The following BAZ1A variants were observed in gnomAD, a reference collection of about 807,000 sequenced individuals.
BAZ1A encodes the protein bromodomain adjacent to zinc finger domain 1A.
Under a neutral mutation model 185.2 loss-of-function variants are expected in BAZ1A, and 50 were observed. The ratio of observed to expected loss-of-function variants is 0.27; its 90% CI spans 0.22 to 0.34. The LOEUF (loss-of-function observed/expected upper bound fraction) is 0.34. Among genes scored for constraint, BAZ1A ranks in the 10% least tolerant of loss-of-function variants. The pLI is 1.00. For missense variants in BAZ1A, 1,356 were observed against 1,839.9 expected (o/e 0.74, Z 4.81); for synonymous variants, 571 against 615.6 (o/e 0.93, Z 1.07).
At chr14:34,801,743 T>C (rs1007731782) in intron 7 of BAZ1A, among the ~76,000 whole-genome samples, 4 of 152,092 alleles carry the variant, frequency 2.6e-5, no homozygotes, top group Non-Finnish European at 4.4e-5. Context: ...ACCCCATCTC[T>C]ATTAAAAATG....
intron 3 of BAZ1A, among the ~76,000 whole-genome samples, chr14:34,827,129 C>T (rs2042175667): frequency 6.6e-6 from 1 of 152,166 alleles, no homozygotes; most frequent in African/African-American, 2.4e-5. Flanking sequence ...GGTTCTGTCT[C>T]TCTGGAAAAC....
At chr14:34,755,608 ATT>A (rs1276289412) in intron 25 of BAZ1A, among the ~76,000 whole-genome samples, 3 of 152,042 alleles carry the variant, frequency 2.0e-5, no homozygotes, top group African/African-American at 7.2e-5. Context: ...TCTAATTATT[ATT>A]TTGTCCCTCT....
Position 34,771,636 on chromosome 14 carries a change from G to T in BAZ1A, c.3176C>A (p.Thr1059Asn), listed in dbSNP as rs1162095453. The stretch of plus-strand genomic sequence containing the variant: ...TGCATTTGTTGATACAGTACTTGGA[G>T]TTTCTGTTTTTATCCCCAAAAGTCT... Reference protein sequence around the residue: ...KDRLLGIKTETPSTVSTNAST... With the variant: ...KDRLLGIKTENPSTVSTNAST... Residue 1059 changes from threonine to asparagine, a missense_variant, in exon 21 of 27, where the codon ACT (threonine) becomes AAT (asparagine). Physicochemically the swap from Thr to Asn is moderately conservative, Grantham distance 65. This residue lies in a region of BAZ1A where 434 missense variants were observed against 561.7 expected (regional missense o/e 0.77). Coordinates refer to ENST00000360310, the MANE Select transcript of BAZ1A (RefSeq NM_013448.3). 9 of 1,613,068 alleles carry T rather than the reference G, an allele frequency of 5.6e-6. No homozygotes were observed. The Admixed American group carries it at 1.5e-4, about 27-fold the overall frequency.
At chr14:34,865,619 T>C (rs914074048) in intron 2 of BAZ1A, among the ~76,000 whole-genome samples, 9 of 152,134 alleles carry the variant, frequency 5.9e-5, no homozygotes, top group South Asian at 2.1e-4. Flanking sequence ...GAGAAACTAA[T>C]CATACCTTAA....
At chr14:34,811,854 A>C (rs1000995375) in intron 4 of BAZ1A, among the ~76,000 whole-genome samples, 1 of 152,216 alleles carries the variant, frequency 6.6e-6, no homozygotes, top group African/African-American at 2.4e-5. Context: ...TTTAAACTTT[A>C]TTTACAGCTA....
chr14:34,786,603 G>GTTTTTTTTTTTTTTTATTT (rs542523340), intron 12 of BAZ1A: 1 of 106,854 alleles, frequency 9.4e-6, no homozygotes, highest in Non-Finnish European at 1.7e-5. Context: ...TCTTTTATGT[G>GTTTTTTTTTTTTTTTATTT]TGTTTTTTTT....
chr14:34,827,191 G>A (rs1004541042), intron 3 of BAZ1A, among the ~76,000 whole-genome samples: 3 of 152,088 alleles, frequency 2.0e-5, no homozygotes, highest in Non-Finnish European at 2.9e-5. Flanking sequence ...CTAAATTTGT[G>A]ACCTAGCATA....
chr14:34,828,280 C>A (rs1206313116), intron 3 of BAZ1A, among the ~76,000 whole-genome samples: 4 of 112,570 alleles, frequency 3.6e-5, no homozygotes, highest in Non-Finnish European at 6.8e-5. Flanking sequence ...GCAACAAGAG[C>A]GAAACTCCGT....
intron 3 of BAZ1A, among the ~76,000 whole-genome samples, chr14:34,828,152 G>A (rs2042189386): frequency 6.6e-6 from 1 of 151,926 alleles, no homozygotes; most frequent in African/African-American, 2.4e-5. Context: ...AATTAACTGG[G>A]CGTGGTGGCA....
At chr14:34,872,849 T>C (rs2042970011) in intron 2 of BAZ1A, among the ~76,000 whole-genome samples, 1 of 128,356 alleles carries the variant, frequency 7.8e-6, no homozygotes, top group African/African-American at 2.9e-5. Flanking sequence ...TATTTACTAT[T>C]TTGTTGATAC....
intron 5 of BAZ1A, among the ~76,000 whole-genome samples, chr14:34,808,236 G>A (rs28701139): frequency 0.012 from 1,800 of 152,262 alleles, 39 homozygotes; most frequent in African/African-American, 0.04. Flanking sequence ...GCTCACACCT[G>A]TAATCCCAGC....
chr14:34,782,324 C>T (rs1279488645), intron 16 of BAZ1A, among the ~76,000 whole-genome samples: 6 of 152,172 alleles, frequency 3.9e-5, no homozygotes, highest in Non-Finnish European at 7.3e-5. Context: ...TGATTAATGA[C>T]GTTGAGCATC....
At chr14:34,769,713 T>C (rs1594818654) in intron 21 of BAZ1A, among the ~76,000 whole-genome samples, 1 of 152,218 alleles carries the variant, frequency 6.6e-6, no homozygotes. Flanking sequence ...ACAGTGTTAG[T>C]AGTAACAGTA....
intron 4 of BAZ1A, among the ~76,000 whole-genome samples, chr14:34,812,851 T>C (rs2041949110): frequency 6.6e-6 from 1 of 152,094 alleles, no homozygotes; most frequent in Non-Finnish European, 1.5e-5. Flanking sequence ...TTACCTACAA[T>C]AGCATTAAAT....
Position 34,764,723 on chromosome 14 carries a change from C to T in BAZ1A, c.3760G>A (p.Glu1254Lys). 1.9e-6 allele frequency: 3 copies of T among 1,609,028 alleles called. No homozygotes were observed. Among genetic ancestry groups the T allele is most frequent in the Non-Finnish European group, 1.7e-6 (2 of 1,176,976 alleles). The stretch of plus-strand genomic sequence containing the variant: ...AGGACTTACCTGACTTCTTCCTCTT[C>T]TTGAGAGTCATCTTCATCTTGTTCT... ...EVEQDEDDSQ[E>K]EEEVSLPKRG... The change falls in exon 23 of 27, where the codon GAA becomes AAA. Residue 1254 changes from glutamate to lysine, a missense_variant. Physicochemically the swap from Glu to Lys is moderately conservative, Grantham distance 56. This residue lies in a region of BAZ1A where 309 missense variants were observed against 355.3 expected (regional missense o/e 0.87). Coordinates refer to ENST00000360310, the MANE Select transcript of BAZ1A (RefSeq NM_013448.3).
At chr14:34,810,224 T>A (rs1483293328) in intron 5 of BAZ1A, among the ~76,000 whole-genome samples, 1 of 152,204 alleles carries the variant, frequency 6.6e-6, no homozygotes, top group African/African-American at 2.4e-5. Context: ...AGCTGGCTGA[T>A]ATCATCTTGC....
intron 3 of BAZ1A, among the ~76,000 whole-genome samples, chr14:34,850,520 A>G (rs7148400): frequency 0.43 from 65,289 of 152,132 alleles, 14,425 homozygotes; most frequent in South Asian, 0.54. Flanking sequence ...GGTAAAGCAC[A>G]TGGATGAACA....
At chr14:34,828,104 G>C (rs2042188756) in intron 3 of BAZ1A, among the ~76,000 whole-genome samples, 1 of 151,808 alleles carries the variant, frequency 6.6e-6, no homozygotes, top group South Asian at 2.1e-4. Context: ...AGACCAGCCT[G>C]ACATGGAGAA....
At chr14:34,797,850 G>A (rs142932024) in intron 9 of BAZ1A, among the ~76,000 whole-genome samples, 1 of 152,204 alleles carries the variant, frequency 6.6e-6, no homozygotes, top group East Asian at 1.9e-4. Context: ...AAGCAGGGCG[G>A]GCCGAAGCAG....
Sources: allele counts gnomAD v4.1 joint callset (sites outside exome capture counted in the v4.1 genomes callset), GRCh38; gene constraint gnomAD v4.1.1; regional missense constraint gnomAD v4.1.1; transcripts MANE v1.5; gene names NCBI Gene and HGNC (gene_info 2026-07-23, HGNC 2026-07-21).